Variants in PCDH15 observed in about 807,000 individuals in gnomAD.
PCDH15 encodes protocadherin-15.
A neutral mutation model predicts 178.5 loss-of-function variants in PCDH15; 129 were observed. The ratio of observed to expected loss-of-function variants is 0.72; its 90% CI spans 0.63 to 0.84. The LOEUF (loss-of-function observed/expected upper bound fraction) is 0.84, where lower values mean the gene tolerates loss of function less well. Ranked by LOEUF, PCDH15 falls within the 40% of genes least tolerant of loss-of-function variation. PCDH15 has a pLI of 0.00. For missense variants in PCDH15, 2,230 were observed against 2,099.9 expected (o/e 1.06, Z -1.21); for synonymous variants, 800 against 732.0 (o/e 1.09, Z -1.50).
chr10:55,576,896 G>T (rs1011983729), intron 2 of PCDH15, among the ~76,000 whole-genome samples: 1 of 151,914 alleles, frequency 6.6e-6, no homozygotes, highest in Non-Finnish European at 1.5e-5. Flanking sequence ...TATGTATGTG[G>T]GTACATGCTT....
chr10:53,965,686 A>G (rs80274822), intron 21 of PCDH15, among the ~76,000 whole-genome samples: 2 of 152,198 alleles, frequency 1.3e-5, no homozygotes, highest in African/African-American at 2.4e-5. Context: ...CAGGAGGTCA[A>G]TGATGAAAGA....
chr10:54,698,555 T>A (rs1173586494), intron 1 of PCDH15, among the ~76,000 whole-genome samples: 2 of 152,174 alleles, frequency 1.3e-5, no homozygotes, highest in African/African-American at 4.8e-5. Context: ...AGTGCAAAGA[T>A]CTGCAGCTGT....
chr10:54,009,257 T>C (rs1380982562), intron 20 of PCDH15, among the ~76,000 whole-genome samples: 1 of 151,566 alleles, frequency 6.6e-6, no homozygotes, highest in African/African-American at 2.4e-5. Context: ...CCTCCTGAAA[T>C]AAATATCTTA....
intron 1 of PCDH15, among the ~76,000 whole-genome samples, chr10:55,173,309 ATGTGTGTGTG>A (rs775260037): frequency 2.3e-4 from 31 of 133,136 alleles, no homozygotes; most frequent in Admixed American, 1.7e-3. Flanking sequence ...TAGAAAGATT[ATGTGTGTGTG>A]TGTGTGTGTG....
At chr10:55,120,614 G>C (rs1281978408) in intron 2 of PCDH15, among the ~76,000 whole-genome samples, 2 of 152,120 alleles carry the variant, frequency 1.3e-5, no homozygotes, top group Non-Finnish European at 2.9e-5. Flanking sequence ...ACTACCAAGA[G>C]AAAGATGTGT....
intron 3 of PCDH15, among the ~76,000 whole-genome samples, chr10:54,881,935 T>C (rs1192249924): frequency 6.6e-6 from 1 of 152,156 alleles, no homozygotes; most frequent in Non-Finnish European, 1.5e-5. Flanking sequence ...GCAGTAGTAA[T>C]ATATATTTGA....
chr10:54,479,614 A>G (rs941568404), intron 3 of PCDH15, among the ~76,000 whole-genome samples: 11 of 151,918 alleles, frequency 7.2e-5, no homozygotes, highest in South Asian at 4.1e-4. Flanking sequence ...AAAAGAATCA[A>G]AACTATGTTT....
intron 2 of PCDH15, among the ~76,000 whole-genome samples, chr10:54,933,208 C>T (rs1837826194): frequency 6.6e-6 from 1 of 151,846 alleles, no homozygotes; most frequent in African/African-American, 2.4e-5. Context: ...CTCATAATGA[C>T]ACATTTCTCA....
chr10:55,022,694 A>G (rs1291983002), intron 2 of PCDH15, among the ~76,000 whole-genome samples: 1 of 149,020 alleles, frequency 6.7e-6, no homozygotes, highest in African/African-American at 2.5e-5. Context: ...AAACTCTAAA[A>G]TATGAATTTT....
Position 54,280,281 on chromosome 10 carries a change from GTTT to G in PCDH15, c.876+36987_876+36989del, listed in dbSNP as rs60842227. On this transcript the variant is annotated intron_variant, in intron 8 of 37. Coordinates refer to ENST00000644397, the MANE Select transcript of PCDH15 (RefSeq NM_001384140.1). The stretch of plus-strand genomic sequence containing the variant: ...TAAACATTAATTAACAAAATTTCTA[GTTT>G]TTTTTTTTTTTTCTTCTAGAGCAGT... 6.7e-3 allele frequency among the ~76,000 whole-genome samples: 953 copies of G among 142,774 alleles called. 11 individuals carry two copies. The highest frequency in any genetic ancestry group is 0.023 in the African/African-American group (907 of 39,550). The allele number at this position is 142,774 out of a possible 152,430, so 93.7% of individuals were successfully genotyped here.
chr10:54,799,433 CA>C (rs751423820), intron 1 of PCDH15, among the ~76,000 whole-genome samples: 130 of 151,722 alleles, frequency 8.6e-4, no homozygotes, highest in Admixed American at 2.6e-3. Flanking sequence ...GTGGGTATAC[CA>C]TATTTTTAAA....
intron 1 of PCDH15, among the ~76,000 whole-genome samples, chr10:54,726,455 T>G (rs1942544430): frequency 2.0e-5 from 3 of 151,064 alleles, no homozygotes; most frequent in South Asian, 2.1e-4. Flanking sequence ...TGTGTGTGTG[T>G]GTGTGTGTAT....
Position 55,219,014 on chromosome 10 carries a change from G to A in PCDH15, c.-155-52363C>T, listed in dbSNP as rs148122247. On this transcript the variant is annotated intron_variant, in intron 1 of 5. Coordinates refer to the PCDH15 transcript ENST00000458638. ...CATTCACAGGAAAATGAGTCTCTGG[G>A]AAGCAACATTCTCTCATAATTATCA... Among the ~76,000 whole-genome samples the A allele has an allele frequency of 4.6e-5, 7 of 152,082 alleles. No individual in the cohort carries two copies. In the East Asian group the frequency reaches 1.2e-3, roughly 25 times the overall value.
intron 2 of PCDH15, among the ~76,000 whole-genome samples, chr10:55,035,806 A>G (rs1405285194): frequency 6.6e-6 from 1 of 152,156 alleles, no homozygotes; most frequent in African/African-American, 2.4e-5. Flanking sequence ...AACAAAATAG[A>G]AGAGAAAAAT....
At chr10:54,481,419 GTGTT>G (rs1343647931) in intron 3 of PCDH15, among the ~76,000 whole-genome samples, 2 of 151,806 alleles carry the variant, frequency 1.3e-5, no homozygotes, top group African/African-American at 4.8e-5. Context: ...GTGTGTGTGT[GTGTT>G]TGTGTACATA....
intron 1 of PCDH15, among the ~76,000 whole-genome samples, chr10:54,728,061 C>A (rs1267492562): frequency 6.6e-6 from 1 of 151,352 alleles, no homozygotes. Flanking sequence ...TGAGGAGGGA[C>A]TTCTCCCTAA....
chr10:54,603,676 C>G (rs1437396357), intron 2 of PCDH15, among the ~76,000 whole-genome samples: 1 of 151,752 alleles, frequency 6.6e-6, no homozygotes, highest in Non-Finnish European at 1.5e-5. Context: ...GTGCTCTTAA[C>G]AGTAGTAGAG....
At chr10:54,137,197 G>A (rs2042982378) in intron 14 of PCDH15, among the ~76,000 whole-genome samples, 2 of 152,048 alleles carry the variant, frequency 1.3e-5, no homozygotes, top group Non-Finnish European at 1.5e-5. Context: ...CTTTACGCAA[G>A]CATTTTGTAT....
rs372236763 is a variant in PCDH15, at chr10:54,950,705, A to G, written c.-79-53205T>C. ...AATTAGATCTCATGAGAACTCACTC[A>G]CTATCATGAGAACAGCGTGGGGGAA... On this transcript the variant is annotated intron_variant, in intron 2 of 5. Transcript: ENST00000458638. 6.6e-5 allele frequency among the ~76,000 whole-genome samples: 10 copies of G among 152,046 alleles called. No homozygotes were observed. The East Asian group carries it at 1.2e-3, about 18-fold the overall frequency.
Sources: gnomAD v4.1 joint callset for allele counts (sites outside exome capture counted in the v4.1 genomes callset) on GRCh38, gnomAD v4.1.1 for gene constraint, MANE v1.5 for transcripts, NCBI Gene and HGNC (gene_info 2026-07-23, HGNC 2026-07-21) for gene names.